MGMT: variants seen among roughly 807,000 people sequenced by gnomAD.
The protein encoded by MGMT is O-6-methylguanine-DNA methyltransferase, also known as methylated-DNA--protein-cysteine methyltransferase.
MGMT carries 14 observed loss-of-function variants against 15.9 expected under a neutral mutation model. That is an observed-to-expected ratio of 0.88 (90% CI 0.58 to 1.37). The LOEUF (loss-of-function observed/expected upper bound fraction) is 1.37, where lower values mean the gene tolerates loss of function less well. Ranked by LOEUF, MGMT falls within the 40% of genes most tolerant of loss-of-function variation. The pLI, the probability that MGMT is intolerant of heterozygous loss-of-function variation, is 0.00. For synonymous variants in MGMT, 130 were observed against 118.2 expected (o/e 1.10, Z -0.65); for missense variants, 282 against 268.1 (o/e 1.05, Z -0.36).
chr10:129,571,925 C>T (rs1385748076), intron 2 of MGMT, among the ~76,000 whole-genome samples: 1 of 152,152 alleles, frequency 6.6e-6, no homozygotes, highest in East Asian at 1.9e-4. Flanking sequence ...AGCGGGCTCC[C>T]TGTTTTGGAT....
Position 129,496,224 on chromosome 10 carries a change from G to A in MGMT, c.-13+28928G>A, listed in dbSNP as rs540594761. On this transcript the variant is annotated intron_variant, in intron 1 of 4. Transcript: ENST00000651593. ...AACTTGAATGCCTGGAATTTTCATC[G>A]TCACGCTTAAGTCTTCCTCCAAAAG... Among the ~76,000 whole-genome samples, 15 of 152,168 alleles carry A rather than the reference G, an allele frequency of 9.9e-5. No individual in the cohort carries two copies. The East Asian group carries it at 1.9e-3, about 20-fold the overall frequency.
At chr10:129,482,502 G>A (rs1845369205) in intron 1 of MGMT, among the ~76,000 whole-genome samples, 1 of 152,072 alleles carries the variant, frequency 6.6e-6, no homozygotes, top group Non-Finnish European at 1.5e-5. Context: ...TAGGAGTATT[G>A]ACATCTCCAG....
intron 2 of MGMT, among the ~76,000 whole-genome samples, chr10:129,645,596 A>T (rs1488942002): frequency 6.6e-6 from 1 of 152,016 alleles, no homozygotes; most frequent in Non-Finnish European, 1.5e-5. Flanking sequence ...TTTGGATGAG[A>T]TGCTCTGCCT....
intron 2 of MGMT, among the ~76,000 whole-genome samples, chr10:129,594,155 C>A (rs921185007): frequency 6.6e-6 from 1 of 152,150 alleles, no homozygotes; most frequent in African/African-American, 2.4e-5. Context: ...GGAGGTCTGG[C>A]TGATGCATGA....
At chr10:129,638,339 G>A (rs4750759) in intron 2 of MGMT, among the ~76,000 whole-genome samples, 81,475 of 149,592 alleles carry the variant, frequency 0.54, 22,246 homozygotes, top group African/African-American at 0.6. Context: ...CCAGGAAGAA[G>A]TAGTTGAAGA....
intron 2 of MGMT, among the ~76,000 whole-genome samples, chr10:129,690,396 TA>T (rs1264022541): frequency 6.6e-6 from 1 of 152,252 alleles, no homozygotes; most frequent in Non-Finnish European, 1.5e-5. Flanking sequence ...CACTCATTAA[TA>T]ATTCATCAGT....
At chr10:129,760,839 C>A (rs1006466846) in intron 4 of MGMT, among the ~76,000 whole-genome samples, 3 of 152,174 alleles carry the variant, frequency 2.0e-5, no homozygotes, top group Non-Finnish European at 4.4e-5. Context: ...CTCTTCCTGT[C>A]CTCAGTTTTG....
rs560290371 is a variant in MGMT, at chr10:129,616,176, C to T, written c.125+79799C>T. ...CAAGAGCACTGAGCAGAGGGAGCGG[C>T]GATTGGATTGGAGAACGGAGGCTCC... On this transcript the variant is annotated intron_variant, in intron 2 of 4. Transcript: ENST00000651593. Among the ~76,000 whole-genome samples the T allele has an allele frequency of 3.9e-5, 6 of 152,272 alleles. No individual in the cohort carries two copies. In the South Asian group the frequency reaches 6.2e-4, roughly 16 times the overall value.
intron 2 of MGMT, among the ~76,000 whole-genome samples, chr10:129,680,740 T>C (rs1847842484): frequency 6.6e-6 from 1 of 152,228 alleles, no homozygotes; most frequent in South Asian, 2.1e-4. Context: ...AAGCCTTCCC[T>C]GACCCTCCTT....
intron 3 of MGMT, among the ~76,000 whole-genome samples, chr10:129,737,341 T>C (rs867198032): frequency 2.6e-5 from 4 of 152,324 alleles, no homozygotes; most frequent in Admixed American, 6.5e-5. Context: ...TCCAGTTGAT[T>C]GCATCGGCTC....
intron 1 of MGMT, among the ~76,000 whole-genome samples, chr10:129,505,619 C>T (rs930222550): frequency 3.9e-5 from 6 of 152,174 alleles, no homozygotes; most frequent in African/African-American, 1.4e-4. Flanking sequence ...TCTGATACAT[C>T]CAGTATCTCA....
chr10:129,484,508 A>G (rs66813937), intron 1 of MGMT, among the ~76,000 whole-genome samples: 15,680 of 152,080 alleles, frequency 0.1, 986 homozygotes, highest in Non-Finnish European at 0.13. Context: ...GTTCTCCTCT[A>G]TCTTCTCAAA....
At chr10:129,618,230 A>G (rs1847051143) in intron 2 of MGMT, among the ~76,000 whole-genome samples, 1 of 152,140 alleles carries the variant, frequency 6.6e-6, no homozygotes, top group African/African-American at 2.4e-5. Flanking sequence ...TCTATCCATT[A>G]TTTACCTGAG....
At chr10:129,545,977 A>G (rs1351452942) in intron 2 of MGMT, among the ~76,000 whole-genome samples, 2 of 152,244 alleles carry the variant, frequency 1.3e-5, no homozygotes, top group African/African-American at 4.8e-5. Flanking sequence ...TAATTTTTGA[A>G]TTGAACTGAA....
intron 2 of MGMT, among the ~76,000 whole-genome samples, chr10:129,675,264 G>A (rs982215206): frequency 6.6e-6 from 1 of 152,088 alleles, no homozygotes; most frequent in Non-Finnish European, 1.5e-5. Context: ...GTTTCGTCTC[G>A]AGTCCTCACC....
intron 2 of MGMT, among the ~76,000 whole-genome samples, chr10:129,622,561 G>T (rs1026720477): frequency 6.6e-6 from 1 of 152,156 alleles, no homozygotes; most frequent in African/African-American, 2.4e-5. Flanking sequence ...GTACACAGAG[G>T]TATGGTTAAC....
chr10:129,571,271 C>G (rs1394078529), intron 2 of MGMT, among the ~76,000 whole-genome samples: 2 of 152,184 alleles, frequency 1.3e-5, no homozygotes, highest in African/African-American at 4.8e-5. Flanking sequence ...CTTCTTACTT[C>G]TTAAATGATA....
chr10:129,732,083 T>G (rs1188939749), intron 3 of MGMT, among the ~76,000 whole-genome samples: 1 of 152,218 alleles, frequency 6.6e-6, no homozygotes, highest in South Asian at 2.1e-4. Context: ...AGAATCTCTG[T>G]TCTAAAAAGT....
chr10:129,488,423 A>G (rs918312859), intron 1 of MGMT, among the ~76,000 whole-genome samples: 2 of 152,052 alleles, frequency 1.3e-5, no homozygotes, highest in East Asian at 1.9e-4. Context: ...TCTTTTTGTT[A>G]TTAACTTATA....
Sources: allele counts gnomAD v4.1 joint callset (sites outside exome capture counted in the v4.1 genomes callset), GRCh38; gene constraint gnomAD v4.1.1; transcripts MANE v1.5; gene names NCBI Gene and HGNC (gene_info 2026-07-23, HGNC 2026-07-21).